Variants in CBX7 observed in about 807,000 individuals in gnomAD.
CBX7 encodes the protein chromobox 7.
In CBX7, 14 loss-of-function variants were observed where a neutral mutation model predicts 31.4. That is an observed-to-expected ratio of 0.45 (90% CI 0.29 to 0.70). The LOEUF (loss-of-function observed/expected upper bound fraction) is 0.70. CBX7 is among the 30% of genes least tolerant of loss of function. The probability of loss-of-function intolerance (pLI) is 0.11; values close to 1 mark genes in which losing one functional copy is unlikely to be tolerated. For missense variants in CBX7, 269 were observed against 351.9 expected (o/e 0.76, Z 1.89); for synonymous variants, 159 against 152.6 (o/e 1.04, Z -0.31).
Position 39,133,338 on chromosome 22 carries a change from T to G in CBX7, c.*553A>C, listed in dbSNP as rs976416103. ...AGCGGCGCCTCCTCCCTGGGAAGGA[T>G]AGAAGCCTCTCTGAAGGGGAAGGGA... On this transcript the variant is annotated 3_prime_UTR_variant, in exon 6 of 6. Coordinates refer to ENST00000216133, the MANE Select transcript of CBX7 (RefSeq NM_175709.5). The G allele has an allele frequency of 6.6e-6, 1 of 152,248 alleles. No individual in the cohort carries two copies. The highest frequency in any genetic ancestry group is 1.5e-5 in the Non-Finnish European group (1 of 68,210). The allele number at this position is 152,248 out of a possible 1,614,324, so 9.4% of individuals were successfully genotyped here. A position where few individuals can be genotyped will look rare whatever the true frequency, so the allele number is the denominator to read the frequency against.
At chr22:39,146,061 T>C (rs1342510515) in intron 2 of CBX7, among the ~76,000 whole-genome samples, 3 of 152,128 alleles carry the variant, frequency 2.0e-5, no homozygotes, top group South Asian at 2.1e-4. Context: ...GATTTAAAGC[T>C]GCTGCACAGA....
At chr22:39,144,520 C>G (rs1162492596) in intron 2 of CBX7, among the ~76,000 whole-genome samples, 1 of 152,132 alleles carries the variant, frequency 6.6e-6, no homozygotes, top group Non-Finnish European at 1.5e-5. Context: ...CTCAGGCCCG[C>G]CCGGGGCTCT....
rs372116643 is a variant in CBX7 at position 39,138,690 on chromosome 22, G to A, written c.192C>T (p.Asp64=). ...CTCTCTTCCTATACCCCGATGCTCG[G>A]TCTCTCTCCTCCCTGGGGTGTGAAG... The part of the protein sequence containing the change: ...VMAYEEKEER[D]RASGYRKRGP... Residue 64 remains aspartate, a synonymous_variant, in exon 4 of 6, where the codon GAC becomes GAT. Coordinates refer to ENST00000216133, the MANE Select transcript of CBX7 (RefSeq NM_175709.5). The A allele has an allele frequency of 2.5e-6, 4 of 1,614,040 alleles. No individual in the cohort carries two copies. Among genetic ancestry groups the A allele is most frequent in the Non-Finnish European group, 3.4e-6 (4 of 1,180,026 alleles).
rs1388730896 is a variant in CBX7 at position 39,138,667 on chromosome 22, C to T, written c.215G>A (p.Arg72Lys). The change falls in exon 4 of 6, where the codon AGA becomes AAA. Residue 72 changes from arginine to lysine, a missense_variant. Transcript: ENST00000216133. Reference protein sequence around the residue: ...ERDRASGYRKRGPKPKRLLLQ... With the variant: ...ERDRASGYRKKGPKPKRLLLQ... ...CAGAAGCCGCTTGGGTTTCGGACCT[C>T]TCTTCCTATACCCCGATGCTCGGTC... 2 of 1,614,200 alleles carry T rather than the reference C, an allele frequency of 1.2e-6. No homozygotes were observed. Among genetic ancestry groups the T allele is most frequent in the Non-Finnish European group, 1.7e-6 (2 of 1,180,026 alleles).
chr22:39,142,726 C>T (rs558896643), intron 2 of CBX7, among the ~76,000 whole-genome samples: 6 of 152,234 alleles, frequency 3.9e-5, no homozygotes, highest in African/African-American at 1.4e-4. Flanking sequence ...TCACCATCGA[C>T]GCAAACATAA....
intron 5 of CBX7, 22 bp from the exon 6 acceptor site, chr22:39,134,070 T>C (rs551035942): frequency 2.5e-5 from 40 of 1,575,564 alleles, no homozygotes; most frequent in Admixed American, 1.4e-4. Flanking sequence ...GACACACAGA[T>C]GGGGGCAGCG....
In CBX7 at chr22:39,132,131, G is replaced by A. The variant is rs1475468734; in HGVS notation, c.*1760C>T. The A allele has an allele frequency of 1.3e-5, 2 of 152,286 alleles. No individual in the cohort carries two copies. The highest frequency in any genetic ancestry group is 2.9e-5 in the Non-Finnish European group (2 of 68,112). The allele number at this position is 152,286 out of a possible 1,614,324, so 9.4% of individuals were successfully genotyped here. A position where few individuals can be genotyped will look rare whatever the true frequency, so the allele number is the denominator to read the frequency against. ...AATTGACCGTGGACAACTAAAGATC[G>A]AGGAGGAAGGAAAGAGAGACTCAGG... On this transcript the variant is annotated 3_prime_UTR_variant, in exon 6 of 6. Transcript: ENST00000216133.
chr22:39,135,551 G>A (rs1389099917), intron 4 of CBX7: 2 of 152,206 alleles, frequency 1.3e-5, no homozygotes, highest in Non-Finnish European at 2.9e-5. Flanking sequence ...GGAAGATAGT[G>A]CAGCCATCAG....
intron 4 of CBX7, 104 bp downstream of exon 4, chr22:39,138,532 G>A: frequency 9.3e-7 from 1 of 1,077,238 alleles, no homozygotes; most frequent in East Asian, 2.4e-5. Flanking sequence ...TACAGGCGAG[G>A]GGACACAGAT....
chr22:39,139,445 G>A (rs538384556), intron 3 of CBX7, among the ~76,000 whole-genome samples: 6 of 152,224 alleles, frequency 3.9e-5, no homozygotes, highest in African/African-American at 9.6e-5. Context: ...GCTCACGCCC[G>A]TAATCCCAGC....
In CBX7 at chr22:39,133,011, A is replaced by T. The variant is rs1601553234; in HGVS notation, c.*880T>A. 1 of 152,250 alleles carries T rather than the reference A, an allele frequency of 6.6e-6. No individual in the cohort carries two copies. The highest frequency in any genetic ancestry group is 2.4e-5 in the African/African-American group (1 of 41,442). The allele number at this position is 152,250 out of a possible 1,614,324, so 9.4% of individuals were successfully genotyped here. ...TGGGGTGCCATCGCACCTGTGCCAG[A>T]CCCCTGCCCTCCACTGAAAGCCGCA... On this transcript the variant is annotated 3_prime_UTR_variant, in exon 6 of 6. Coordinates refer to ENST00000216133, the MANE Select transcript of CBX7 (RefSeq NM_175709.5).
intron 2 of CBX7, among the ~76,000 whole-genome samples, chr22:39,141,859 GT>G (rs2146361325): frequency 6.6e-6 from 1 of 152,268 alleles, no homozygotes; most frequent in Non-Finnish European, 1.5e-5. Context: ...TCCTGGTAAG[GT>G]GTCATTGTCA....
In CBX7 at chr22:39,134,747, C is replaced by T. The variant is rs1478000003; in HGVS notation, c.252G>A (p.Leu84=). The T allele has an allele frequency of 1.3e-6, 2 of 1,522,238 alleles. No homozygotes were observed. The highest frequency in any genetic ancestry group is 1.8e-6 in the Non-Finnish European group (2 of 1,127,974). 94.3% of individuals were successfully genotyped at this position (1,522,238 alleles called of 1,614,324 possible). The change falls in exon 5 of 6, where the codon CTG becomes CTA. Residue 84 remains leucine, a synonymous_variant. Transcript: ENST00000216133. ...PKPKRLLLQR[L]YSMDLRSSHK... is the part of the protein sequence containing the mutation. The stretch of plus-strand genomic sequence containing the variant: ...GGGAGCTCCGCAGGTCCATGCTGTA[C>T]AGCCGCTGCGGGGGCAAGCCAGGGC...
Position 39,141,442 on chromosome 22 carries a change from GA to G in CBX7, c.114-7del. 2 of 1,610,816 alleles carry G rather than the reference GA, an allele frequency of 1.2e-6. No individual in the cohort carries two copies. Among genetic ancestry groups the G allele is most frequent in the Non-Finnish European group, 1.7e-6 (2 of 1,178,820 alleles). On this transcript the variant is annotated splice_region_variant and splice_polypyrimidine_tract_variant and intron_variant, in intron 2 of 5. Transcript: ENST00000216133. ...CTGGCTCCCACGTGCTGTACCTGGG[GA>G]GAGGAATGAAAGGTCAGAGTTGGGG... is the stretch of plus-strand genomic sequence containing the variant.
rs781423557 is a variant in CBX7 at position 39,134,740 on chromosome 22, T to C, written c.259A>G (p.Met87Val). 1.2e-5 allele frequency: 18 copies of C among 1,542,218 alleles called. No individual in the cohort carries two copies. Among genetic ancestry groups the C allele is most frequent in the African/African-American group, 2.7e-5 (2 of 73,120 alleles). ...GCCTTGTGGGAGCTCCGCAGGTCCA[T>C]GCTGTACAGCCGCTGCGGGGGCAAG... ...KRLLLQRLYSMDLRSSHKAKG... is the reference protein window; with the variant it reads ...KRLLLQRLYSVDLRSSHKAKG... Residue 87 changes from methionine (M) to valine (V), a missense_variant, in exon 5 of 6, where the codon ATG becomes GTG. By Grantham distance (21) the Met-to-Val change is conservative. Coordinates refer to ENST00000216133, the MANE Select transcript of CBX7 (RefSeq NM_175709.5).
chr22:39,138,726 A>G (rs772681196), intron 3 of CBX7, 24 bp from the exon 4 acceptor site: 5 of 1,610,190 alleles, frequency 3.1e-6, no homozygotes, highest in Non-Finnish European at 4.3e-6. Context: ...CAGGTGGCAG[A>G]AGAAAAGGAA....
At chr22:39,149,762 C>G (rs751966582) in intron 2 of CBX7, 27 bp downstream of exon 2, 1 of 1,611,058 alleles carries the variant, frequency 6.2e-7, no homozygotes. Context: ...GGCAGACAGA[C>G]AGACACACAC....
rs1334778825 is a variant in CBX7, at chr22:39,131,980, G to A, written c.*1911C>T. The A allele has an allele frequency of 6.6e-6, 1 of 152,368 alleles. No homozygotes were observed. Among genetic ancestry groups the A allele is most frequent in the African/African-American group, 2.4e-5 (1 of 41,434 alleles). 9.4% of individuals were successfully genotyped at this position (152,368 alleles called of 1,614,324 possible). A position where few individuals can be genotyped will look rare whatever the true frequency, so the allele number is the denominator to read the frequency against. ...TCCCCTCCACAGGGCTCCACAGCTG[G>A]AGATGGGTGGTGATTCCTGCCGCTC... On this transcript the variant is annotated 3_prime_UTR_variant, in exon 6 of 6. Coordinates refer to ENST00000216133, the MANE Select transcript of CBX7 (RefSeq NM_175709.5).
Position 39,152,382 on chromosome 22 carries a change from C to T in CBX7, c.63G>A (p.Val21=), listed in dbSNP as rs1930892344. ...FAVESIRKKR[V]RKGKVEYLVK... is the part of the protein sequence containing the mutation. Reference sequence around the variant, plus strand: ...CGCCCCCGGGCAGCCTCACCTTCCGCACGCGCTTCTTCCGGATGCTCTCCA... The same window carrying T: ...CGCCCCCGGGCAGCCTCACCTTCCGTACGCGCTTCTTCCGGATGCTCTCCA... Residue 21 remains valine (V), a synonymous_variant, in exon 1 of 6, where the codon GTG becomes GTA. Coordinates refer to ENST00000216133, the MANE Select transcript of CBX7 (RefSeq NM_175709.5). This position sits in a 1 kb window ranked among gnomAD's most constrained non-coding sequence, Gnocchi z 4.9. 1 of 1,400,686 alleles carries T rather than the reference C, an allele frequency of 7.1e-7. No individual in the cohort carries two copies. Among genetic ancestry groups the T allele is most frequent in the East Asian group, 3.0e-5 (1 of 33,754 alleles). 86.8% of individuals were successfully genotyped at this position (1,400,686 alleles called of 1,614,324 possible). A position where few individuals can be genotyped will look rare whatever the true frequency, so the allele number is the denominator to read the frequency against.
Sources: allele counts gnomAD v4.1 joint callset (sites outside exome capture counted in the v4.1 genomes callset), GRCh38; gene constraint gnomAD v4.1.1; non-coding constraint Gnocchi (gnomAD v3.1); transcripts MANE v1.5; gene names NCBI Gene and HGNC (gene_info 2026-07-23, HGNC 2026-07-21).